The following MIA2 variants were observed in gnomAD, a reference collection of about 807,000 sequenced individuals.
MIA2 encodes the protein MIA SH3 domain ER export factor 2.
MIA2 carries 127 observed loss-of-function variants against 167.8 expected under a neutral mutation model. The observed-to-expected ratio is 0.76, with a 90% CI of 0.66 to 0.88. The LOEUF (loss-of-function observed/expected upper bound fraction) is 0.88. Among genes scored for constraint, MIA2 ranks in the 40% least tolerant of loss-of-function variants. The probability of loss-of-function intolerance (pLI) is 0.00; values close to 1 mark genes in which losing one functional copy is unlikely to be tolerated. For missense variants in MIA2, 1,690 were observed against 1,624.7 expected (o/e 1.04, Z -0.69); for synonymous variants, 552 against 541.9 (o/e 1.02, Z -0.26).
downstream of MIA2, among the ~76,000 whole-genome samples, chr14:39,354,971 G>T (rs1196841525): frequency 6.6e-6 from 1 of 152,014 alleles, no homozygotes; most frequent in Non-Finnish European, 1.5e-5. Flanking sequence ...TAGCCTTGTA[G>T]TATAGTTTGA....
intron 13 of MIA2, among the ~76,000 whole-genome samples, chr14:39,296,174 T>A (rs10148762): frequency 8.5e-5 from 13 of 152,060 alleles, no homozygotes; most frequent in Admixed American, 3.9e-4. Context: ...TCTTTTATTT[T>A]CCATATCTGA....
At position 39,277,038 on chromosome 14, in the gene MIA2, C is replaced by CT. The variant is rs769553721; in HGVS notation, c.2000dup (p.Leu667PhefsTer6). 25 of 1,611,438 alleles carry CT rather than the reference C, an allele frequency of 1.6e-5. No homozygotes were observed. The highest frequency in any genetic ancestry group is 5.5e-5 in the South Asian group (5 of 90,856). ...CTGTTGTTGGATTTTTTGCTGTTCT[C>CT]TTTTTTTTGTGGAGAAGTTTTAGAT... On this transcript the variant is annotated frameshift_variant, in exon 7 of 29. Transcript: ENST00000640607. LOFTEE classifies it high-confidence loss of function.
chr14:39,349,987 C>G (rs2074189776), intron 28 of MIA2, 111 bp from the exon 29 acceptor site: 5 of 487,158 alleles, frequency 1.0e-5, no homozygotes, highest in Non-Finnish European at 1.5e-5. Context: ...TATCTAGTGT[C>G]AATTTTCAAA....
chr14:39,283,322 G>A (rs970356239), intron 9 of MIA2, among the ~76,000 whole-genome samples: 6 of 152,124 alleles, frequency 3.9e-5, no homozygotes, highest in Non-Finnish European at 7.3e-5. Flanking sequence ...ACTACTTTCT[G>A]TAGTGACTGT....
Position 39,315,691 on chromosome 14 carries a change from C to T in MIA2, c.3189C>T (p.Ser1063=). The T allele has an allele frequency of 6.4e-7, 1 of 1,554,510 alleles. No homozygotes were observed. Among genetic ancestry groups the T allele is most frequent in the South Asian group, 1.2e-5 (1 of 84,616 alleles). ...ATTACTTTCTTTTTCAGATTATTTC[C>T]CATGAGAAAAAAGCACATGATAATT... The part of the protein sequence containing the change: ...TIHSYQGQII[S]HEKKAHDNWL... The change falls in exon 21 of 29, where the codon TCC becomes TCT. Residue 1063 remains serine, a synonymous_variant. Coordinates refer to ENST00000640607, the MANE Select transcript of MIA2 (RefSeq NM_001329214.4).
rs879878756 is a variant in MIA2, at chr14:39,321,057, G to A, written c.3496+1G>A. ...TTGCTTCCAGGGGGAGGAGGAAGAG[G>A]TATATTGTTTAAACATCTTTATTAC... On this transcript the variant is annotated splice_donor_variant, in intron 24 of 28. Coordinates refer to ENST00000640607, the MANE Select transcript of MIA2 (RefSeq NM_001329214.4). LOFTEE classifies it high-confidence loss of function. 30 of 1,609,706 alleles carry A rather than the reference G, an allele frequency of 1.9e-5. No individual in the cohort carries two copies. The highest frequency in any genetic ancestry group is 2.4e-5 in the Non-Finnish European group (28 of 1,178,716).
intron 2 of MIA2, among the ~76,000 whole-genome samples, chr14:39,238,868 T>C (rs2053917389): frequency 6.6e-6 from 1 of 150,990 alleles, no homozygotes; most frequent in East Asian, 2.0e-4. Context: ...GAAGCTTTAG[T>C]ATGCTGAAAT....
At chr14:39,364,103 T>A (rs1412725963) in intron 23 of MIA2, among the ~76,000 whole-genome samples, 1 of 152,166 alleles carries the variant, frequency 6.6e-6, no homozygotes, top group Non-Finnish European at 1.5e-5. Flanking sequence ...CTTATGCCTG[T>A]AATCCCAGCA....
intron 6 of MIA2, among the ~76,000 whole-genome samples, chr14:39,262,901 T>G (rs557385286): frequency 6.6e-6 from 1 of 152,314 alleles, no homozygotes; most frequent in East Asian, 1.9e-4. Context: ...CTTATCAGCT[T>G]AAGGAGATTT....
chr14:39,319,181 C>G (rs1410954591), intron 22 of MIA2, 28 bp from the exon 23 acceptor site: 6 of 1,343,858 alleles, frequency 4.5e-6, no homozygotes, highest in Non-Finnish European at 5.1e-6. Context: ...GGATGAGTAA[C>G]TTAGAGATGT....
chr14:39,348,056 A>G (rs1008244895), intron 27 of MIA2, among the ~76,000 whole-genome samples: 1 of 151,070 alleles, frequency 6.6e-6, no homozygotes, highest in Non-Finnish European at 1.5e-5. Flanking sequence ...CAGATGATCC[A>G]CTCGCCTTGG....
chr14:39,364,509 A>G (rs1431060443), intron 23 of MIA2, among the ~76,000 whole-genome samples: 1 of 143,558 alleles, frequency 7.0e-6, no homozygotes, highest in Non-Finnish European at 1.5e-5. Flanking sequence ...TATTTGCTTT[A>G]CCAGTAAGTT....
intron 9 of MIA2, among the ~76,000 whole-genome samples, chr14:39,289,874 A>G (rs1475540594): frequency 1.3e-5 from 2 of 152,170 alleles, no homozygotes; most frequent in Non-Finnish European, 2.9e-5. Flanking sequence ...TGTGTCTTAT[A>G]TGGAGTCTAC....
intron 23 of MIA2, among the ~76,000 whole-genome samples, chr14:39,363,593 G>A (rs1040655757): frequency 1.4e-4 from 22 of 152,362 alleles, no homozygotes; most frequent in African/African-American, 5.0e-4. Context: ...GATGCTGGGA[G>A]AGCAATGTTT....
chr14:39,321,098 T>A (rs1474549086), intron 24 of MIA2, 42 bp downstream of exon 24: 24 of 1,561,150 alleles, frequency 1.5e-5, no homozygotes, highest in Non-Finnish European at 2.0e-5. Context: ...ATTTCTTCCT[T>A]ACTTTATATT....
intron 6 of MIA2, among the ~76,000 whole-genome samples, chr14:39,259,498 G>A (rs186795636): frequency 9.4e-4 from 143 of 152,076 alleles, no homozygotes; most frequent in African/African-American, 3.2e-3. Context: ...TTTATTTCCC[G>A]TTAGCACTTT....
chr14:39,335,120 CAG>C (rs2070044784), intron 25 of MIA2, among the ~76,000 whole-genome samples: 1 of 152,102 alleles, frequency 6.6e-6, no homozygotes, highest in South Asian at 2.1e-4. Flanking sequence ...TTCTGTAAAA[CAG>C]AGATGGTGAT....
At chr14:39,241,431 A>G (rs1284400909) in intron 3 of MIA2, among the ~76,000 whole-genome samples, 2 of 152,164 alleles carry the variant, frequency 1.3e-5, no homozygotes, top group African/African-American at 2.4e-5. Flanking sequence ...TCTCTAAAAT[A>G]TATCTGGAGT....
chr14:39,270,354 A>G (rs968725414), intron 6 of MIA2, among the ~76,000 whole-genome samples: 1 of 151,696 alleles, frequency 6.6e-6, no homozygotes, highest in East Asian at 1.9e-4. Flanking sequence ...GGCACTAACC[A>G]CCACACCTGG....
Sources: allele counts gnomAD v4.1 joint callset (sites outside exome capture counted in the v4.1 genomes callset), GRCh38; gene constraint gnomAD v4.1.1; transcripts MANE v1.5; gene names NCBI Gene and HGNC (gene_info 2026-07-23, HGNC 2026-07-21).